The following FRMPD4 variants were observed in gnomAD, a reference collection of about 807,000 sequenced individuals.
The protein encoded by FRMPD4 is FERM and PDZ domain-containing protein 4.
FRMPD4 carries 22 observed loss-of-function variants against 94.1 expected under a neutral mutation model. The ratio of observed to expected loss-of-function variants is 0.23; its 90% CI spans 0.17 to 0.33. The LOEUF (loss-of-function observed/expected upper bound fraction) is 0.33. Among genes scored for constraint, FRMPD4 ranks in the 10% least tolerant of loss-of-function variants. The pLI is 1.00. For missense variants in FRMPD4, 1,111 were observed against 1,339.9 expected (o/e 0.83, Z 2.67); for synonymous variants, 631 against 548.6 (o/e 1.15, Z -2.10).
At chrX:12,571,064 T>G (rs764051902) in intron 2 of FRMPD4, among the ~76,000 whole-genome samples, 1 of 112,378 alleles carries the variant, frequency 8.9e-6, no homozygotes, top group East Asian at 2.8e-4. Context: ...TGTCTCTAAG[T>G]GATCTGCATC....
chrX:12,046,828 G>A (rs940530958), intron 3 of FRMPD4, among the ~76,000 whole-genome samples: 2 of 111,227 alleles, frequency 1.8e-5, no homozygotes, highest in Non-Finnish European at 3.8e-5. Flanking sequence ...ACACAGGCAT[G>A]ATTGATGAAA....
intron 2 of FRMPD4, among the ~76,000 whole-genome samples, chrX:12,574,482 G>T (rs180676790): frequency 2.7e-4 from 30 of 111,225 alleles, no homozygotes; most frequent in Non-Finnish European, 7.5e-5. Flanking sequence ...CTTTAGCATG[G>T]TGGAGCCTTT....
intron 1 of FRMPD4, among the ~76,000 whole-genome samples, chrX:12,247,933 G>C (rs765681257): frequency 7.3e-4 from 82 of 112,242 alleles, no homozygotes; most frequent in African/African-American, 2.3e-3. Flanking sequence ...TTAACCTGGT[G>C]ATCAAAGTGT....
intron 1 of FRMPD4, among the ~76,000 whole-genome samples, chrX:12,239,396 G>A (rs1253075290): frequency 1.8e-5 from 2 of 112,816 alleles, no homozygotes; most frequent in African/African-American, 6.4e-5. Context: ...CTTCATTTCT[G>A]AAGCAGTTTG....
intron 3 of FRMPD4, among the ~76,000 whole-genome samples, chrX:12,055,408 G>A (rs2054848355): frequency 9.0e-6 from 1 of 111,086 alleles, no homozygotes; most frequent in African/African-American, 3.3e-5. Flanking sequence ...AGATCCAGTT[G>A]TTTAACAGTG....
chrX:12,479,464 G>GTATATAT (rs2057653633), intron 1 of FRMPD4, among the ~76,000 whole-genome samples: 1 of 75,125 alleles, frequency 1.3e-5, no homozygotes, highest in Admixed American at 1.7e-4. Context: ...ATGTATATAT[G>GTATATAT]TATATATATG....
chrX:12,631,744 T>A (rs908783020), intron 4 of FRMPD4, among the ~76,000 whole-genome samples: 1 of 112,480 alleles, frequency 8.9e-6, no homozygotes, highest in Non-Finnish European at 1.9e-5. Flanking sequence ...ATTTTTCAAA[T>A]GTCTCCATCA....
chrX:12,072,164 G>A (rs777173079), intron 3 of FRMPD4, among the ~76,000 whole-genome samples: 4 of 111,001 alleles, frequency 3.6e-5, no homozygotes, highest in African/African-American at 1.3e-4. Context: ...CCCTTCATTG[G>A]TGTTTAATCA....
At chrX:12,678,558 G>C (rs1357742802) in intron 5 of FRMPD4, among the ~76,000 whole-genome samples, 2 of 112,443 alleles carry the variant, frequency 1.8e-5, no homozygotes, top group East Asian at 5.6e-4. Context: ...GGGCATGGTG[G>C]CTCACGCCTG....
intron 1 of FRMPD4, among the ~76,000 whole-genome samples, chrX:12,281,328 G>A (rs1382783961): frequency 9.0e-6 from 1 of 111,226 alleles, no homozygotes; most frequent in Non-Finnish European, 1.9e-5. Flanking sequence ...TATTTTTTAA[G>A]TGAATAATTC....
chrX:12,510,238 A>C (rs111950034), intron 2 of FRMPD4, among the ~76,000 whole-genome samples: 4,937 of 112,493 alleles, frequency 0.044, 241 homozygotes, highest in African/African-American at 0.15. Flanking sequence ...GTAATATGCT[A>C]TACTGGTTGG....
intron 3 of FRMPD4, among the ~76,000 whole-genome samples, chrX:12,065,610 G>A (rs1526791): frequency 0.07 from 7,776 of 111,613 alleles, 269 homozygotes; most frequent in East Asian, 0.23. Flanking sequence ...TGTTGCTGCA[G>A]CAGTCTGCCT....
At position 12,574,472 on chromosome X, in the gene FRMPD4, C is replaced by G. The variant is rs189155316; in HGVS notation, c.159-35249C>G. On this transcript the variant is annotated intron_variant, in intron 2 of 16. Coordinates refer to ENST00000675598, the MANE Select transcript of FRMPD4 (RefSeq NM_001368397.1). ...AGGATCAGACTAAACTCCATGGAAT[C>G]TTTAGCATGGTGGAGCCTTTTATTT... 1.1e-3 allele frequency among the ~76,000 whole-genome samples: 121 copies of G among 111,648 alleles called. 1 individual carries two copies. The highest frequency in any genetic ancestry group is 3.9e-3 in the African/African-American group (119 of 30,704).
At chrX:11,850,740 G>C (rs139869975) in intron 1 of FRMPD4, among the ~76,000 whole-genome samples, 3 of 112,316 alleles carry the variant, frequency 2.7e-5, no homozygotes, top group Non-Finnish European at 3.8e-5. Context: ...ATACAGGTAA[G>C]TACTTACAGT....
intron 3 of FRMPD4, among the ~76,000 whole-genome samples, chrX:12,027,398 C>A (rs1287997057): frequency 8.9e-6 from 1 of 111,892 alleles, no homozygotes. Context: ...ATTTCCTCAA[C>A]CACATAAATA....
intron 1 of FRMPD4, among the ~76,000 whole-genome samples, chrX:11,848,369 C>A (rs750106220): frequency 3.8e-4 from 43 of 111,726 alleles, no homozygotes; most frequent in African/African-American, 1.4e-3. Context: ...CCTTTGCCTG[C>A]ATAACTTAAC....
chrX:11,926,125 C>T (rs1458255952), intron 3 of FRMPD4, among the ~76,000 whole-genome samples: 2 of 109,849 alleles, frequency 1.8e-5, no homozygotes, highest in Non-Finnish European at 3.8e-5. Context: ...TGCACATGAA[C>T]TAGAAAATTT....
chrX:12,476,042 C>T (rs983899625), intron 1 of FRMPD4, among the ~76,000 whole-genome samples: 1 of 111,925 alleles, frequency 8.9e-6, no homozygotes, highest in African/African-American at 3.3e-5. Flanking sequence ...CTGGAGGCAT[C>T]ACACTACCTG....
intron 1 of FRMPD4, among the ~76,000 whole-genome samples, chrX:12,177,146 A>T (rs1406689604): frequency 8.9e-6 from 1 of 112,053 alleles, no homozygotes; most frequent in Non-Finnish European, 1.9e-5. Context: ...ATTATGTGGA[A>T]CTTAAAACCA....
Sources: allele counts gnomAD v4.1 joint callset (sites outside exome capture counted in the v4.1 genomes callset), GRCh38; gene constraint gnomAD v4.1.1; transcripts MANE v1.5; gene names NCBI Gene and HGNC (gene_info 2026-07-23, HGNC 2026-07-21).